Variants in RHD observed in about 807,000 individuals in gnomAD.
The protein encoded by RHD is Rh blood group D antigen.
In RHD, 16 loss-of-function variants were observed where a neutral mutation model predicts 45.5. The ratio of observed to expected loss-of-function variants is 0.35; its 90% confidence interval spans 0.24 to 0.53. The LOEUF (loss-of-function observed/expected upper bound fraction) is 0.53, where lower values mean the gene tolerates loss of function less well. Among genes scored for constraint, RHD ranks in the 20% least tolerant of loss-of-function variants. RHD has a pLI of 0.92. For missense variants in RHD, 306 were observed against 532.0 expected (o/e 0.58, Z 4.18); for synonymous variants, 131 against 217.5 (o/e 0.60, Z 3.50).
chr1:25,319,654 T>C (rs1644591148), intron 8 of RHD, among the ~76,000 whole-genome samples: 2 of 131,948 alleles, frequency 1.5e-5, no homozygotes, highest in African/African-American at 5.2e-5. Context: ...GGGAAAAAGT[T>C]CCTCAAGCAG....
intron 7 of RHD, among the ~76,000 whole-genome samples, chr1:25,308,748 T>C (rs1643981456): frequency 7.8e-6 from 1 of 127,984 alleles, no homozygotes; most frequent in African/African-American, 2.7e-5. Context: ...CCTCTTGCCT[T>C]TGCAGGACCC....
At position 25,310,772 on chromosome 1, in the gene RHD, G is replaced by A. The variant is rs373446343; in HGVS notation, c.1073+4043G>A. On this transcript the variant is annotated intron_variant, in intron 7 of 9. Coordinates refer to ENST00000328664, the MANE Select transcript of RHD (RefSeq NM_016124.6). ...GGATCACCTGAGGTCAGGAGTTCGA[G>A]ACCAGCCTAGCTAACATGGTGAAAC... is the stretch of plus-strand genomic sequence containing the variant. Among the ~76,000 whole-genome samples the A allele has an allele frequency of 7.6e-5, 10 of 132,114 alleles. No homozygotes were observed. In the East Asian group the frequency reaches 1.4e-3, roughly 18 times the overall value. 86.7% of individuals were successfully genotyped at this position (132,114 alleles called of 152,430 possible).
In RHD at chr1:25,290,764, G is replaced by C; in HGVS notation, c.459G>C (p.Leu153=). The part of the protein sequence containing the change: ...VLVEVTALGN[L]RMVISNIFNT... The stretch of plus-strand genomic sequence containing the variant: ...TGGAGGTGACAGCTTTAGGCAACCT[G>C]AGGATGGTCATCAGTAATATCTTCA... Residue 153 remains leucine (L), a synonymous_variant, in exon 3 of 10, where the codon CTG becomes CTC. Coordinates refer to ENST00000328664, the MANE Select transcript of RHD (RefSeq NM_016124.6). 1 of 1,377,408 alleles carries C rather than the reference G, an allele frequency of 7.3e-7. No individual in the cohort carries two copies. Among genetic ancestry groups the C allele is most frequent in the East Asian group, 2.2e-5 (1 of 44,630 alleles). The allele number at this position is 1,377,408 out of a possible 1,614,324, so 85.3% of individuals were successfully genotyped here. A position where few individuals can be genotyped will look rare whatever the true frequency, so the allele number is the denominator to read the frequency against.
Position 25,324,567 on chromosome 1 carries a change from T to TA in RHD, c.1227+2607dup, listed in dbSNP as rs1194585623. ...AGATCAAGTGAGGTAATAATGTCTG[T>TA]AACAACATTCTGTAAAATGCAAACC... On this transcript the variant is annotated intron_variant, in intron 9 of 9. Transcript: ENST00000328664. 2.0e-5 allele frequency among the ~76,000 whole-genome samples: 3 copies of TA among 152,250 alleles called. No homozygotes were observed. The East Asian group carries it at 5.8e-4, about 29-fold the overall frequency.
Position 25,307,620 on chromosome 1 carries a change from A to G in RHD, c.1073+891A>G, listed in dbSNP as rs1485206661. The G allele has an allele frequency of 3.1e-6, 3 of 977,002 alleles. 1 individual carries two copies. The highest frequency in any genetic ancestry group is 1.4e-5 in the South Asian group (1 of 71,336). 60.5% of individuals were successfully genotyped at this position (977,002 alleles called of 1,614,324 possible). A position where few individuals can be genotyped will look rare whatever the true frequency, so the allele number is the denominator to read the frequency against. On this transcript the variant is annotated intron_variant, in intron 7 of 9. Coordinates refer to ENST00000328664, the MANE Select transcript of RHD (RefSeq NM_016124.6). ...AGGTATTCTCAGACTCTAAGAAATG[A>G]GATTTAAGAGAAGTTATCTGCCCAA...
At position 25,321,497 on chromosome 1, in the gene RHD, C is replaced by A. The variant is rs1295908202; in HGVS notation, c.1154-392C>A. On this transcript the variant is annotated intron_variant, in intron 8 of 9. Transcript: ENST00000328664. The stretch of plus-strand genomic sequence containing the variant: ...CCAACATGGTGAAACTCCATCTCTA[C>A]TAAAAAAAAAAAAAAAAAAAAAATT... Among the ~76,000 whole-genome samples, 10 of 94,822 alleles carry A rather than the reference C, an allele frequency of 1.1e-4. 2 individuals are homozygous for A. Among genetic ancestry groups the A allele is most frequent in the African/African-American group, 2.8e-4 (8 of 28,402 alleles). The allele number at this position is 94,822 out of a possible 152,430, so 62.2% of individuals were successfully genotyped here.
intron 1 of RHD, among the ~76,000 whole-genome samples, chr1:25,283,614 G>T (rs1242431340): frequency 7.5e-6 from 1 of 133,248 alleles, no homozygotes; most frequent in African/African-American, 2.6e-5. Context: ...TCTGTAAAAT[G>T]GTGACAGTAA....
chr1:25,283,341 G>A (rs1281492032), intron 1 of RHD, among the ~76,000 whole-genome samples: 3 of 131,402 alleles, frequency 2.3e-5, no homozygotes, highest in Non-Finnish European at 5.4e-5. Context: ...GACCAGCTTG[G>A]CCAACATAGC....
intron 5 of RHD, 42 bp from the exon 6 acceptor site, chr1:25,303,280 T>C: frequency 8.1e-7 from 1 of 1,229,774 alleles, no homozygotes; most frequent in Middle Eastern, 2.3e-4. Flanking sequence ...TGGTGTTCTC[T>C]CTCTACCTTG....
rs956507331 is a variant in RHD at position 25,284,213 on chromosome 1, C to A, written c.149-360C>A. 3.7e-4 allele frequency among the ~76,000 whole-genome samples: 51 copies of A among 136,262 alleles called. 10 individuals carry two copies. Among genetic ancestry groups the A allele is most frequent in the African/African-American group, 9.5e-4 (38 of 39,866 alleles). 89.4% of individuals were successfully genotyped at this position (136,262 alleles called of 152,430 possible). ...TCATATGCAATAACAGCAGCAATGA[C>A]CTTTACTGAGTGTCCATGTGCGTCA... On this transcript the variant is annotated intron_variant, in intron 1 of 9. Coordinates refer to ENST00000328664, the MANE Select transcript of RHD (RefSeq NM_016124.6).
Position 25,304,044 on chromosome 1 carries a change from G to A in RHD, c.939+585G>A, listed in dbSNP as rs573245857. Among the ~76,000 whole-genome samples, 817 of 84,192 alleles carry A rather than the reference G, an allele frequency of 9.7e-3. 56 individuals are homozygous for A. The highest frequency in any genetic ancestry group is 0.03 in the African/African-American group (761 of 25,006). The allele number at this position is 84,192 out of a possible 152,430, so 55.2% of individuals were successfully genotyped here. On this transcript the variant is annotated intron_variant, in intron 6 of 9. Coordinates refer to ENST00000328664, the MANE Select transcript of RHD (RefSeq NM_016124.6). ...TGTGAGAGGAGCAGCACCCAGAAGA[G>A]GGAGTGCTGGGCTGATGGTCCAGGT...
Position 25,274,986 on chromosome 1 carries a change from A to T in RHD, c.148+2291A>T, listed in dbSNP as rs1640826660. Among the ~76,000 whole-genome samples the T allele has an allele frequency of 2.3e-5, 3 of 130,846 alleles. 1 individual carries two copies. Among genetic ancestry groups the T allele is most frequent in the African/African-American group, 7.8e-5 (3 of 38,330 alleles). 85.8% of individuals were successfully genotyped at this position (130,846 alleles called of 152,430 possible). ...ACAAAAACAACAACAAGAACAACAA[A>T]AAAACAAAGAGGAGAGCAGGGACTG... On this transcript the variant is annotated intron_variant, in intron 1 of 9. Transcript: ENST00000328664.
intron 8 of RHD, among the ~76,000 whole-genome samples, chr1:25,321,380 G>C (rs1644690213): frequency 8.0e-6 from 1 of 124,492 alleles, no homozygotes; most frequent in Non-Finnish European, 1.9e-5. Flanking sequence ...TACAGAATCG[G>C]CCAGGTGTGG....
chr1:25,313,296 T>C (rs1160793632), intron 7 of RHD, among the ~76,000 whole-genome samples: 1 of 132,192 alleles, frequency 7.6e-6, no homozygotes, highest in Non-Finnish European at 1.8e-5. Context: ...GTTCTTGGAC[T>C]TCCCAGCCTC....
rs1201375213 is a variant in RHD at position 25,313,957 on chromosome 1, C to T, written c.1074-3043C>T. Among the ~76,000 whole-genome samples, 2 of 132,994 alleles carry T rather than the reference C, an allele frequency of 1.5e-5. 1 individual carries two copies. The highest frequency in any genetic ancestry group is 3.6e-5 in the Non-Finnish European group (2 of 56,048). 87.2% of individuals were successfully genotyped at this position (132,994 alleles called of 152,430 possible). ...GAACAAGTGTTCCATTGTGTGAATG[C>T]AGCAGAATTTATTTATCCATTATTG... On this transcript the variant is annotated intron_variant, in intron 7 of 9. Coordinates refer to ENST00000328664, the MANE Select transcript of RHD (RefSeq NM_016124.6).
In RHD at chr1:25,306,622, T is replaced by A; in HGVS notation, c.966T>A (p.Ile322=). 7.3e-7 allele frequency: 1 copy of A among 1,378,032 alleles called. No individual in the cohort carries two copies. Among genetic ancestry groups the A allele is most frequent in the Non-Finnish European group, 1.0e-6 (1 of 978,514 alleles). 85.4% of individuals were successfully genotyped at this position (1,378,032 alleles called of 1,614,324 possible). A position where few individuals can be genotyped will look rare whatever the true frequency, so the allele number is the denominator to read the frequency against. ...LPGCCNRVLG[I]PHSSIMGYNF... ...GGTGTTGTAACCGAGTGCTGGGGAT[T>A]CCCCACAGCTCCATCATGGGCTACA... Residue 322 remains isoleucine (I), a synonymous_variant, in exon 7 of 10, where the codon ATT becomes ATA. Transcript: ENST00000328664.
At chr1:25,314,319 A>C (rs1446195565) in intron 7 of RHD, among the ~76,000 whole-genome samples, 1 of 132,930 alleles carries the variant, frequency 7.5e-6, no homozygotes, top group East Asian at 1.9e-4. Flanking sequence ...CCAATAACTA[A>C]CTAAATGGAG....
At chr1:25,285,369 G>A (rs1641885337) in intron 2 of RHD, among the ~76,000 whole-genome samples, 1 of 134,374 alleles carries the variant, frequency 7.4e-6, no homozygotes, top group African/African-American at 2.6e-5. Context: ...CCTGACCTCA[G>A]GTGATCCGCC....
chr1:25,296,938 A>G lies in RHD; in HGVS notation c.487-4008A>G, dbSNP rs1483111204. 1.5e-5 allele frequency among the ~76,000 whole-genome samples: 2 copies of G among 131,168 alleles called. 1 individual carries two copies. Among genetic ancestry groups the G allele is most frequent in the Non-Finnish European group, 3.6e-5 (2 of 55,780 alleles). 86.1% of individuals were successfully genotyped at this position (131,168 alleles called of 152,430 possible). On this transcript the variant is annotated intron_variant, in intron 3 of 9. Coordinates refer to ENST00000328664, the MANE Select transcript of RHD (RefSeq NM_016124.6). ...TGAAAACAGACTAACACAATTTCCT[A>G]AAACAAGGGGACATTCTCTTACATA...
Sources: allele counts gnomAD v4.1 joint callset (sites outside exome capture counted in the v4.1 genomes callset), GRCh38; gene constraint gnomAD v4.1.1; transcripts MANE v1.5; gene names NCBI Gene and HGNC (gene_info 2026-07-23, HGNC 2026-07-21).